Variants in FSAF1 observed in about 807,000 individuals in gnomAD.
The protein encoded by FSAF1 is uncharacterized protein C1orf131.
chr1:231,237,346 A>G, the FSAF1 span: 1 of 152,264 alleles, frequency 6.6e-6, no homozygotes, highest in Non-Finnish European at 1.5e-5. Flanking sequence ...CGTAGTGGGT[A>G]GAATTGTGGC....
chr1:231,226,663 C>G, the FSAF1 span: 1 of 1,337,212 alleles, frequency 7.5e-7, no homozygotes. Context: ...CAAGCAGCGG[C>G]TTCCGGCATT....
the FSAF1 span, chr1:231,225,542 A>T: frequency 1.2e-6 from 2 of 1,601,838 alleles, no homozygotes; most frequent in Non-Finnish European, 8.6e-7. Context: ...AGAATTTAAG[A>T]TCATATACAT....
At chr1:231,225,551 A>G in the FSAF1 span, 3 of 1,588,040 alleles carry the variant, frequency 1.9e-6, no homozygotes, top group Non-Finnish European at 2.6e-6. Flanking sequence ...GATCATATAC[A>G]TATTAGTAGT....
At chr1:231,235,817 T>A in the FSAF1 span, among the ~76,000 whole-genome samples, 9 of 151,994 alleles carry the variant, frequency 5.9e-5, no homozygotes, top group African/African-American at 1.2e-4. Context: ...CATAAAAAAA[T>A]ATATATAAAT....
the FSAF1 span, chr1:231,225,116 A>G: frequency 7.6e-6 from 2 of 262,094 alleles, no homozygotes; most frequent in East Asian, 7.1e-5. Context: ...CTTATTCATA[A>G]TTACGGTGCT....
chr1:231,230,899 G>A, the FSAF1 span, among the ~76,000 whole-genome samples: 203 of 152,288 alleles, frequency 1.3e-3, 3 homozygotes, highest in African/African-American at 4.8e-3. Context: ...CTTACCCAAC[G>A]CTCTTATTCC....
the FSAF1 span, chr1:231,225,544 C>T: frequency 6.3e-7 from 1 of 1,599,200 alleles, no homozygotes; most frequent in Non-Finnish European, 8.6e-7. Context: ...AATTTAAGAT[C>T]ATATACATAT....
the FSAF1 span, chr1:231,238,775 T>A: frequency 7.4e-7 from 1 of 1,346,566 alleles, no homozygotes; most frequent in Non-Finnish European, 1.0e-6. Context: ...CAGGCATTCC[T>A]GCCACAGTCT....
chr1:231,239,752 C>T, the FSAF1 span, among the ~76,000 whole-genome samples: 4 of 152,164 alleles, frequency 2.6e-5, no homozygotes, highest in Non-Finnish European at 5.9e-5. Flanking sequence ...TTACAAATAC[C>T]ACAGAGCTCT....
the FSAF1 span, chr1:231,238,948 G>A: frequency 1.2e-6 from 2 of 1,614,136 alleles, no homozygotes; most frequent in South Asian, 1.1e-5. Flanking sequence ...GTTCTTTAGG[G>A]AAGAGGGAGG....
At chr1:231,229,197 T>C in the FSAF1 span, 1 of 1,583,106 alleles carries the variant, frequency 6.3e-7, no homozygotes, top group Non-Finnish European at 8.6e-7. Context: ...TCCAAAACAC[T>C]AGGATTAGCC....
At chr1:231,237,426 T>A in the FSAF1 span, 2 of 152,228 alleles carry the variant, frequency 1.3e-5, no homozygotes, top group African/African-American at 4.8e-5. Flanking sequence ...TGGAGAGGGA[T>A]CTTTATAATT....
the FSAF1 span, among the ~76,000 whole-genome samples, chr1:231,232,271 C>T: frequency 6.6e-6 from 1 of 152,188 alleles, no homozygotes; most frequent in African/African-American, 2.4e-5. Context: ...GGGTCCTCCA[C>T]TACTTCCAGG....
At chr1:231,232,074 T>C in the FSAF1 span, among the ~76,000 whole-genome samples, 11 of 152,262 alleles carry the variant, frequency 7.2e-5, no homozygotes, top group Non-Finnish European at 1.2e-4. Flanking sequence ...CATTATTTCA[T>C]AGCTGCTGAG....
the FSAF1 span, chr1:231,238,723 T>G: frequency 1.3e-6 from 1 of 784,850 alleles, no homozygotes; most frequent in Non-Finnish European, 2.0e-6. Context: ...GAGTCTTGGG[T>G]CCTGTGAGTC....
the FSAF1 span, among the ~76,000 whole-genome samples, chr1:231,227,376 G>A: frequency 6.6e-6 from 1 of 152,018 alleles, no homozygotes. Context: ...CTGGGCATGT[G>A]ATCTCCTGCC....
the FSAF1 span, chr1:231,224,279 T>C: frequency 6.2e-7 from 1 of 1,607,652 alleles, no homozygotes; most frequent in African/African-American, 1.3e-5. Flanking sequence ...ACAAAGTACT[T>C]CATTTGGCCA....
the FSAF1 span, among the ~76,000 whole-genome samples, chr1:231,231,925 G>A: frequency 5.9e-5 from 9 of 152,070 alleles, no homozygotes; most frequent in Non-Finnish European, 8.8e-5. Flanking sequence ...CAGATACCTC[G>A]GTGTCCTCAT....
At chr1:231,231,769 G>A in the FSAF1 span, among the ~76,000 whole-genome samples, 2 of 152,126 alleles carry the variant, frequency 1.3e-5, no homozygotes, top group East Asian at 1.9e-4. Flanking sequence ...GAGCAATGTC[G>A]GGCCTCTCCT....
Sources: gnomAD v4.1 joint callset for allele counts (sites outside exome capture counted in the v4.1 genomes callset) on GRCh38, gnomAD v4.1.1 for gene constraint, MANE v1.5 for transcripts, NCBI Gene and HGNC (gene_info 2026-07-23, HGNC 2026-07-21) for gene names.